The following TMEM232 variants were observed in gnomAD, a reference collection of about 807,000 sequenced individuals.
TMEM232 encodes the protein transmembrane protein 232.
Under a neutral mutation model 78.8 loss-of-function variants are expected in TMEM232, and 80 were observed. The observed-to-expected ratio is 1.01, with a 90% CI of 0.85 to 1.22. The LOEUF is 1.22. Ranked by LOEUF, TMEM232 falls within the 50% of genes most tolerant of loss-of-function variation. The probability of loss-of-function intolerance (pLI) is 0.00; values close to 1 mark genes in which losing one functional copy is unlikely to be tolerated. For synonymous variants in TMEM232, 297 were observed against 254.3 expected (o/e 1.17, Z -1.60); for missense variants, 881 against 742.2 (o/e 1.19, Z -2.17).
At chr5:110,709,239 T>C (rs752809791) in intron 1 of TMEM232, among the ~76,000 whole-genome samples, 8 of 152,042 alleles carry the variant, frequency 5.3e-5, no homozygotes, top group Non-Finnish European at 1.0e-4. Flanking sequence ...ATAAGGCAAA[T>C]GTTATTAGAG....
At chr5:110,530,166 G>A (rs1168431170) in intron 11 of TMEM232, among the ~76,000 whole-genome samples, 1 of 152,152 alleles carries the variant, frequency 6.6e-6, no homozygotes, top group Non-Finnish European at 1.5e-5. Flanking sequence ...TTAGACAAAA[G>A]TATAGTAGAG....
intron 12 of TMEM232, among the ~76,000 whole-genome samples, chr5:110,436,954 A>C (rs113826265): frequency 6.6e-6 from 1 of 152,082 alleles, no homozygotes; most frequent in East Asian, 1.9e-4. Flanking sequence ...GATTCTATAT[A>C]AACTTTAGAA....
intron 1 of TMEM232, among the ~76,000 whole-genome samples, chr5:110,674,644 A>G (rs1033111218): frequency 8.5e-5 from 13 of 152,252 alleles, no homozygotes; most frequent in Admixed American, 3.3e-4. Flanking sequence ...GCTGTAGCCA[A>G]TAGCACTTTA....
intron 10 of TMEM232, among the ~76,000 whole-genome samples, chr5:110,597,385 T>C (rs935101199): frequency 3.9e-5 from 6 of 152,018 alleles, no homozygotes; most frequent in Admixed American, 2.0e-4. Flanking sequence ...AATGGAAGAA[T>C]ATTCCATGCT....
At chr5:110,501,962 T>C (rs1766310784) in intron 12 of TMEM232, among the ~76,000 whole-genome samples, 1 of 152,166 alleles carries the variant, frequency 6.6e-6, no homozygotes, top group Non-Finnish European at 1.5e-5. Context: ...TGTTTGTTAC[T>C]AGAAATTTTG....
chr5:110,614,974 A>C (rs1452231899), intron 8 of TMEM232, among the ~76,000 whole-genome samples: 1 of 151,956 alleles, frequency 6.6e-6, no homozygotes, highest in Admixed American at 6.6e-5. Context: ...TTTTAGTTTC[A>C]TATTTATAAA....
intron 2 of TMEM232, among the ~76,000 whole-genome samples, chr5:110,403,453 C>T (rs952536419): frequency 1.3e-5 from 2 of 152,012 alleles, no homozygotes; most frequent in Admixed American, 6.6e-5. Context: ...TTGATCTGTG[C>T]AGCTTCGGCT....
intron 12 of TMEM232, among the ~76,000 whole-genome samples, chr5:110,453,500 C>T (rs904722796): frequency 3.3e-5 from 3 of 92,162 alleles, no homozygotes; most frequent in African/African-American, 1.3e-4. Context: ...TGGAGTTTCA[C>T]CACATTGGCC....
chr5:110,610,062 GAAATTA>G (rs1342616422), intron 8 of TMEM232, among the ~76,000 whole-genome samples: 1 of 151,804 alleles, frequency 6.6e-6, no homozygotes, highest in Non-Finnish European at 1.5e-5. Flanking sequence ...AGATTGCAAA[GAAATTA>G]AAATGTAAAA....
chr5:110,543,407 A>T (rs1773407244), intron 11 of TMEM232, among the ~76,000 whole-genome samples: 1 of 152,178 alleles, frequency 6.6e-6, no homozygotes, highest in Non-Finnish European at 1.5e-5. Context: ...TTCCTTATTT[A>T]CGAAAGGCTT....
intron 3 of TMEM232, among the ~76,000 whole-genome samples, chr5:110,393,377 C>T (rs1322194816): frequency 6.6e-6 from 1 of 151,842 alleles, no homozygotes; most frequent in Non-Finnish European, 1.5e-5. Flanking sequence ...AAGAATTGAC[C>T]TCTTCATCAT....
Position 110,545,119 on chromosome 5 carries a change from C to T in TMEM232, c.1456-16284G>A, listed in dbSNP as rs138592459. Among the ~76,000 whole-genome samples, 5 of 152,212 alleles carry T rather than the reference C, an allele frequency of 3.3e-5. No individual in the cohort carries two copies. The East Asian group carries it at 9.7e-4, about 29-fold the overall frequency. The stretch of plus-strand genomic sequence containing the variant: ...ATATTTTATAGTACAGTCTCTAGCA[C>T]ATGGAAGTGTTTCAATAAATGTTAG... On this transcript the variant is annotated intron_variant, in intron 11 of 13. Transcript: ENST00000455884.
At chr5:110,642,944 G>A (rs1561441172) in intron 2 of TMEM232, among the ~76,000 whole-genome samples, 1 of 152,064 alleles carries the variant, frequency 6.6e-6, no homozygotes, top group Non-Finnish European at 1.5e-5. Flanking sequence ...TTTCTCCAAT[G>A]CTATACTGAG....
chr5:110,570,059 T>C lies in TMEM232; in HGVS notation c.1277-1434A>G, dbSNP rs1317338798. 3.9e-5 allele frequency among the ~76,000 whole-genome samples: 6 copies of C among 152,066 alleles called. No homozygotes were observed. The East Asian group carries it at 7.8e-4, about 20-fold the overall frequency. On this transcript the variant is annotated intron_variant, in intron 10 of 13. Coordinates refer to ENST00000455884, the MANE Select transcript of TMEM232 (RefSeq NM_001039763.4). ...AAGTACGTACATGTTTTACAAGTAA[T>C]AGGAGGAAGGCATATATCCAGTTTC...
At chr5:110,716,253 C>G (rs1797002226) in intron 1 of TMEM232, among the ~76,000 whole-genome samples, 1 of 152,010 alleles carries the variant, frequency 6.6e-6, no homozygotes, top group Non-Finnish European at 1.5e-5. Flanking sequence ...GCACCAGAGA[C>G]CAGTTTGGTG....
intron 12 of TMEM232, among the ~76,000 whole-genome samples, chr5:110,485,086 A>G (rs951603766): frequency 6.6e-6 from 1 of 152,218 alleles, no homozygotes; most frequent in Non-Finnish European, 1.5e-5. Context: ...GATTCCTTAA[A>G]GAACTAAAAC....
chr5:110,641,786 A>T (rs555191488), intron 3 of TMEM232, among the ~76,000 whole-genome samples: 1 of 152,184 alleles, frequency 6.6e-6, no homozygotes, highest in African/African-American at 2.4e-5. Flanking sequence ...GCAAGGACTT[A>T]CTTTACTTCC....
Position 110,721,671 on chromosome 5 carries a change from G to GTATATATATATATATATATATATATA in TMEM232, c.-13+4955_-13+4956insTATATATATATATATATATATATATA, listed in dbSNP as rs1192575850. Among the ~76,000 whole-genome samples, 64 of 23,398 alleles carry GTATATATATATATATATATATATATA rather than the reference G, an allele frequency of 2.7e-3. 3 individuals are homozygous for GTATATATATATATATATATATATATA. The highest frequency in any genetic ancestry group is 4.2e-3 in the African/African-American group (52 of 12,456). The allele number at this position is 23,398 out of a possible 152,430, so 15.3% of individuals were successfully genotyped here. ...CTGCATATCATGTGTGTGTGTGTGT[G>GTATATATATATATATATATATATATA]TGTATATATATATCTGTGTGTGTTA... is the stretch of plus-strand genomic sequence containing the variant. On this transcript the variant is annotated intron_variant, in intron 1 of 13. Coordinates refer to ENST00000455884, the MANE Select transcript of TMEM232 (RefSeq NM_001039763.4).
intron 3 of TMEM232, among the ~76,000 whole-genome samples, chr5:110,391,110 CCT>C (rs1484428931): frequency 2.6e-5 from 4 of 152,018 alleles, no homozygotes; most frequent in Admixed American, 6.6e-5. Flanking sequence ...TATTTTATTC[CCT>C]CTGTTTGGCA....
Sources: gnomAD v4.1 joint callset for allele counts (sites outside exome capture counted in the v4.1 genomes callset) on GRCh38, gnomAD v4.1.1 for gene constraint, MANE v1.5 for transcripts, NCBI Gene and HGNC (gene_info 2026-07-23, HGNC 2026-07-21) for gene names.